The following CAMTA1 variants were observed in gnomAD, a reference collection of about 807,000 sequenced individuals.
CAMTA1 encodes the protein calmodulin binding transcription activator 1, also known as calmodulin-binding transcription activator 1.
Under a neutral mutation model 170.9 loss-of-function variants are expected in CAMTA1, and 27 were observed. The observed-to-expected ratio is 0.16, with a 90% CI of 0.12 to 0.22. The LOEUF is 0.22. CAMTA1 is among the 10% of genes least tolerant of loss of function. The pLI is 1.00. For synonymous variants in CAMTA1, 833 were observed against 891.5 expected, an observed-to-expected ratio of 0.93 and a Z score of 1.17; for missense variants, 1,619 against 2,217.2, an observed-to-expected ratio of 0.73 and a Z score of 5.42.
rs769105325 is a variant in CAMTA1 at position 7,751,189 on chromosome 1, T to A, written c.4690-10T>A. 1 of 1,559,502 alleles carries A rather than the reference T, an allele frequency of 6.4e-7. No homozygotes were observed. Among genetic ancestry groups the A allele is most frequent in the Non-Finnish European group, 8.7e-7 (1 of 1,154,790 alleles). ...TGTTACTGTGTCGCTTGTTCTTGTTTCCCCTGCAGTACGCACTTTATAAAA... is the reference window on the plus strand; with the variant it reads ...TGTTACTGTGTCGCTTGTTCTTGTTACCCCTGCAGTACGCACTTTATAAAA... On this transcript the variant is annotated splice_polypyrimidine_tract_variant and intron_variant, in intron 19 of 22. Transcript: ENST00000303635.
chr1:7,488,242 C>T (rs534489585), intron 6 of CAMTA1, among the ~76,000 whole-genome samples: 6 of 152,300 alleles, frequency 3.9e-5, no homozygotes, highest in Non-Finnish European at 8.8e-5. Flanking sequence ...GCAGCAGCGC[C>T]TGGACAGGGG....
chr1:7,249,347 A>T lies in CAMTA1; in HGVS notation c.303-144A>T. 2.4e-6 allele frequency: 2 copies of T among 827,196 alleles called. No homozygotes were observed. Among genetic ancestry groups the T allele is most frequent in the South Asian group, 2.1e-5 (1 of 48,070 alleles). 51.2% of individuals were successfully genotyped at this position (827,196 alleles called of 1,614,324 possible). On this transcript the variant is annotated intron_variant, in intron 4 of 22. Coordinates refer to ENST00000303635, the MANE Select transcript of CAMTA1 (RefSeq NM_015215.4). The surrounding 1 kb of genome is among the most constrained non-coding windows in gnomAD (Gnocchi z 4.4). ...CATAAAACATGGTTAATCCAGGGAG[A>T]TGCAATAAAAGGTGAAAAATTATGT...
intron 11 of CAMTA1, among the ~76,000 whole-genome samples, chr1:7,678,131 A>T (rs2096142225): frequency 6.6e-6 from 1 of 152,178 alleles, no homozygotes. Context: ...GGGCTCCTGG[A>T]AGCAAAAAGG....
chr1:6,899,544 A>ACGCG (rs963107725), intron 3 of CAMTA1, among the ~76,000 whole-genome samples: 100 of 102,702 alleles, frequency 9.7e-4, no homozygotes, highest in Admixed American at 1.5e-3. Context: ...TATAACGCGC[A>ACGCG]CGCGCGCGCG....
intron 3 of CAMTA1, among the ~76,000 whole-genome samples, chr1:7,088,488 T>A (rs1641042542): frequency 6.6e-6 from 1 of 152,198 alleles, no homozygotes; most frequent in African/African-American, 2.4e-5. Flanking sequence ...GTGGTCCTGT[T>A]CCCTTTCTGG....
chr1:6,931,257 G>C (rs1335222931), intron 3 of CAMTA1, among the ~76,000 whole-genome samples: 1 of 152,116 alleles, frequency 6.6e-6, no homozygotes, highest in African/African-American at 2.4e-5. Flanking sequence ...AGCTTATTTG[G>C]GTATTTTTAT....
In CAMTA1 at chr1:7,092,197, C is replaced by A. The variant is rs1641579864; in HGVS notation, c.302+826C>A. ...GTGTGGTTTACACAGGATGCCTGGA[C>A]TGCAGGCTTGAACTGAAGTGGTGGA... is the stretch of plus-strand genomic sequence containing the variant. On this transcript the variant is annotated intron_variant, in intron 4 of 22. Transcript: ENST00000303635. The surrounding 1 kb of genome is among the most constrained non-coding windows in gnomAD (Gnocchi z 5.0). Among the ~76,000 whole-genome samples, 1 of 152,208 alleles carries A rather than the reference C, an allele frequency of 6.6e-6. No individual in the cohort carries two copies. The highest frequency in any genetic ancestry group is 1.5e-5 in the Non-Finnish European group (1 of 68,042).
chr1:7,619,951 T>C lies in CAMTA1; in HGVS notation c.511-20449T>C, dbSNP rs371714836. Among the ~76,000 whole-genome samples the C allele has an allele frequency of 1.7e-4, 26 of 152,366 alleles. 2 individuals carry two copies. The South Asian group carries it at 5.4e-3, about 32-fold the overall frequency. ...ATAAATGCTGTGCAGACAATGTATG[T>C]GATGCTGTCATTAAATGTTGCACAC... On this transcript the variant is annotated intron_variant, in intron 6 of 22. Coordinates refer to ENST00000303635, the MANE Select transcript of CAMTA1 (RefSeq NM_015215.4).
chr1:7,008,852 C>A (rs1388195730), intron 3 of CAMTA1, among the ~76,000 whole-genome samples: 3 of 152,196 alleles, frequency 2.0e-5, no homozygotes, highest in Non-Finnish European at 2.9e-5. Flanking sequence ...AAATATTTAA[C>A]CTAATTTCTA....
Position 7,747,730 on chromosome 1 carries a change from G to A in CAMTA1, c.4638G>A (p.Gln1546=), listed in dbSNP as rs767063880. ...RKYKGRPLRE[Q]QEVAAAVIQR... ...TTAAGGGCCGACCCTTGCGGGAACAGCAAGAAGTAGCTGCTGCTGTTATTC... is the reference window on the plus strand; with the variant it reads ...TTAAGGGCCGACCCTTGCGGGAACAACAAGAAGTAGCTGCTGCTGTTATTC... Residue 1546 remains glutamine, a synonymous_variant, in exon 19 of 23, where the codon CAG becomes CAA. Coordinates refer to ENST00000303635, the MANE Select transcript of CAMTA1 (RefSeq NM_015215.4). 1 of 1,611,872 alleles carries A rather than the reference G, an allele frequency of 6.2e-7. No homozygotes were observed. Among genetic ancestry groups the A allele is most frequent in the South Asian group, 1.1e-5 (1 of 90,686 alleles).
chr1:6,977,030 T>A (rs1219145120), intron 3 of CAMTA1, among the ~76,000 whole-genome samples: 1 of 152,222 alleles, frequency 6.6e-6, no homozygotes, highest in Admixed American at 6.5e-5. Flanking sequence ...TCCCTAGCCA[T>A]GTGGAACTGT....
At chr1:7,372,206 C>T (rs1177307435) in intron 5 of CAMTA1, among the ~76,000 whole-genome samples, 1 of 152,192 alleles carries the variant, frequency 6.6e-6, no homozygotes, top group Non-Finnish European at 1.5e-5. Context: ...TCTCCAGCCA[C>T]CGCCAGAGCC....
chr1:7,618,912 T>A (rs2095578159), intron 6 of CAMTA1, among the ~76,000 whole-genome samples: 1 of 152,194 alleles, frequency 6.6e-6, no homozygotes, highest in African/African-American at 2.4e-5. Context: ...CCAGAAATGC[T>A]TTATTCTTGT....
At position 7,470,655 on chromosome 1, in the gene CAMTA1, G is replaced by A. The variant is rs2093313771; in HGVS notation, c.510+2754G>A. On this transcript the variant is annotated intron_variant, in intron 6 of 22. Coordinates refer to ENST00000303635, the MANE Select transcript of CAMTA1 (RefSeq NM_015215.4). ...CTGCAGGGGGTGAGCCTTCTAGAAA[G>A]GTAAGGGCATTGGAGGAAAGAGGGA... is the stretch of plus-strand genomic sequence containing the variant. Among the ~76,000 whole-genome samples the A allele has an allele frequency of 2.6e-5, 4 of 152,150 alleles. No individual in the cohort carries two copies. In the South Asian group the frequency reaches 8.3e-4, roughly 32 times the overall value.
In CAMTA1 at chr1:7,224,171, G is replaced by A. The variant is rs1258555430; in HGVS notation, c.303-25320G>A. On this transcript the variant is annotated intron_variant, in intron 4 of 22. Coordinates refer to ENST00000303635, the MANE Select transcript of CAMTA1 (RefSeq NM_015215.4). The surrounding 1 kb of genome is among the most constrained non-coding windows in gnomAD (Gnocchi z 5.2). ...AAGCCATCCTGGACCTCACCCGATG[G>A]GAGGGAGAATGATGCTCTGCCAGGT... Among the ~76,000 whole-genome samples, 1 of 152,184 alleles carries A rather than the reference G, an allele frequency of 6.6e-6. No homozygotes were observed. The highest frequency in any genetic ancestry group is 1.5e-5 in the Non-Finnish European group (1 of 68,042).
intron 6 of CAMTA1, among the ~76,000 whole-genome samples, chr1:7,501,146 G>A (rs1158985438): frequency 6.6e-6 from 1 of 152,106 alleles, no homozygotes; most frequent in African/African-American, 2.4e-5. Flanking sequence ...GAGTAAGCAG[G>A]TTCTAGGGCA....
Position 7,614,703 on chromosome 1 carries a change from C to T in CAMTA1, c.511-25697C>T, listed in dbSNP as rs145392033. ...AATGACACCACCCCCAGAGACAGCC[C>T]GGGACAATCCACCATCAGCCTGCCT... is the stretch of plus-strand genomic sequence containing the variant. On this transcript the variant is annotated intron_variant, in intron 6 of 22. Transcript: ENST00000303635. 4.6e-3 allele frequency among the ~76,000 whole-genome samples: 696 copies of T among 152,268 alleles called. 4 individuals carry two copies. Among genetic ancestry groups the T allele is most frequent in the African/African-American group, 0.016 (645 of 41,548 alleles).
chr1:7,078,430 C>G (rs59591027), intron 3 of CAMTA1, among the ~76,000 whole-genome samples: 7,272 of 152,242 alleles, frequency 0.048, 590 homozygotes, highest in African/African-American at 0.17. Context: ...CAGACACTCT[C>G]TCTCCCTCTC....
chr1:7,023,294 G>A (rs1359757247), intron 3 of CAMTA1, among the ~76,000 whole-genome samples: 1 of 152,222 alleles, frequency 6.6e-6, no homozygotes, highest in Non-Finnish European at 1.5e-5. Context: ...TGTGTCAGAT[G>A]TAAGCGTAAA....
Sources: allele counts gnomAD v4.1 joint callset (sites outside exome capture counted in the v4.1 genomes callset), GRCh38; gene constraint gnomAD v4.1.1; non-coding constraint Gnocchi (gnomAD v3.1); transcripts MANE v1.5; gene names NCBI Gene and HGNC (gene_info 2026-07-23, HGNC 2026-07-21).